Variants in OSBPL6 observed in about 807,000 individuals in gnomAD.
OSBPL6 encodes oxysterol binding protein like 6, also known as oxysterol-binding protein-related protein 6.
A neutral mutation model predicts 125.8 loss-of-function variants in OSBPL6; 49 were observed. The observed-to-expected ratio is 0.39, with a 90% confidence interval of 0.31 to 0.49. The LOEUF is 0.49. Among genes scored for constraint, OSBPL6 ranks in the 20% least tolerant of loss-of-function variants. The pLI is 0.88. For synonymous variants in OSBPL6, 394 were observed against 391.8 expected, an observed-to-expected ratio of 1.01 and a Z score of -0.07; for missense variants, 986 against 1,135.4, an observed-to-expected ratio of 0.87 and a Z score of 1.89.
At chr2:178,296,929 C>G (rs1395987644) in intron 2 of OSBPL6, among the ~76,000 whole-genome samples, 1 of 152,152 alleles carries the variant, frequency 6.6e-6, no homozygotes, top group Non-Finnish European at 1.5e-5. Context: ...TGCATAAACA[C>G]TGCTATTCTG....
intron 1 of OSBPL6, among the ~76,000 whole-genome samples, chr2:178,279,651 T>TGTGCACGCGTGTGCATGCACACACACGC: frequency 6.6e-6 from 1 of 152,248 alleles, no homozygotes; most frequent in African/African-American, 2.4e-5. Context: ...AACGCATGTG[T>TGTGCACGCGTGTGCATGCACACACACGC]GTGCACGCGT....
At chr2:178,370,640 C>A (rs2154104605) in intron 13 of OSBPL6, among the ~76,000 whole-genome samples, 1 of 152,290 alleles carries the variant, frequency 6.6e-6, no homozygotes, top group Middle Eastern at 3.4e-3. Flanking sequence ...AGAATGTTAT[C>A]ACCTTTTTTC....
chr2:178,271,716 A>G (rs1006118410), intron 1 of OSBPL6, among the ~76,000 whole-genome samples: 3 of 152,228 alleles, frequency 2.0e-5, no homozygotes, highest in African/African-American at 7.2e-5. Context: ...ACTTTAAAGA[A>G]TATACATAAT....
At chr2:178,382,914 A>G (rs1179817001) in intron 16 of OSBPL6, 110 bp from the exon 17 acceptor site, 2 of 1,484,770 alleles carry the variant, frequency 1.3e-6, no homozygotes, top group Non-Finnish European at 1.8e-6. Context: ...AGATATAATG[A>G]AGACTCATGA....
chr2:178,249,779 T>C (rs2091624569), intron 1 of OSBPL6, among the ~76,000 whole-genome samples: 1 of 152,046 alleles, frequency 6.6e-6, no homozygotes, highest in Non-Finnish European at 1.5e-5. Flanking sequence ...TTCGAGCCAA[T>C]TTATAAGTAA....
At chr2:178,386,330 C>T (rs890054273) in intron 19 of OSBPL6, among the ~76,000 whole-genome samples, 3 of 152,154 alleles carry the variant, frequency 2.0e-5, no homozygotes, top group African/African-American at 7.2e-5. Flanking sequence ...CACAAATGCA[C>T]AAATAAATCT....
At chr2:178,352,453 T>C (rs1691350890) in intron 12 of OSBPL6, among the ~76,000 whole-genome samples, 1 of 152,170 alleles carries the variant, frequency 6.6e-6, no homozygotes, top group Admixed American at 6.5e-5. Context: ...CCTGGCTTGG[T>C]GGGTCCTATG....
At chr2:178,391,020 G>A (rs1695359468) in intron 21 of OSBPL6, 53 bp from the exon 22 acceptor site, 1 of 1,594,372 alleles carries the variant, frequency 6.3e-7, no homozygotes, top group South Asian at 1.1e-5. Context: ...AAAATACAGG[G>A]AATGATGTTA....
intron 1 of OSBPL6, among the ~76,000 whole-genome samples, chr2:178,209,190 A>G (rs190944269): frequency 6.6e-6 from 1 of 151,614 alleles, no homozygotes; most frequent in Non-Finnish European, 1.5e-5. Flanking sequence ...TCTTCCCCTC[A>G]CTTTTCCCTG....
At position 178,356,116 on chromosome 2, in the gene OSBPL6, T is replaced by C. The variant is rs1237019182; in HGVS notation, c.1154-5566T>C. Among the ~76,000 whole-genome samples the C allele has an allele frequency of 1.1e-4, 16 of 151,844 alleles. 1 individual carries two copies. In the South Asian group the frequency reaches 1.5e-3, roughly 14 times the overall value. On this transcript the variant is annotated intron_variant, in intron 12 of 24. Coordinates refer to ENST00000190611, the MANE Select transcript of OSBPL6 (RefSeq NM_032523.4). ...AATAATAAGATCTATTTATGACAAA[T>C]TCACAGCCAATATCATACTGAATGG... is the stretch of plus-strand genomic sequence containing the variant.
chr2:178,331,657 A>C, intron 6 of OSBPL6, 52 bp downstream of exon 6: 2 of 1,568,116 alleles, frequency 1.3e-6, no homozygotes, highest in Non-Finnish European at 1.8e-6. Context: ...TTCTGCTTGA[A>C]GTGAGTAAAC....
At chr2:178,392,626 A>C in intron 23 of OSBPL6, 88 bp downstream of exon 23, 2 of 1,495,368 alleles carry the variant, frequency 1.3e-6, no homozygotes, top group Non-Finnish European at 1.8e-6. Context: ...AAGGCTGAGG[A>C]GGGAAGATCA....
chr2:178,309,704 T>C (rs77496617), intron 3 of OSBPL6, among the ~76,000 whole-genome samples: 4,267 of 152,318 alleles, frequency 0.028, 188 homozygotes, highest in African/African-American at 0.097. Flanking sequence ...CTAAATCTGA[T>C]ATGAGCTGTT....
rs188500046 is a variant in OSBPL6 at position 178,324,349 on chromosome 2, C to A, written c.195+80C>A. 3.6e-5 allele frequency: 37 copies of A among 1,028,446 alleles called. No homozygotes were observed. In the South Asian group the frequency reaches 5.7e-4, roughly 16 times the overall value. 63.7% of individuals were successfully genotyped at this position (1,028,446 alleles called of 1,614,324 possible). A position where few individuals can be genotyped will look rare whatever the true frequency, so the allele number is the denominator to read the frequency against. ...AATTGAACTGTGAATAACGTTTACA[C>A]CTGACTCCCCTAAAATACTTGTGAT... On this transcript the variant is annotated intron_variant, in intron 4 of 24. Coordinates refer to ENST00000190611, the MANE Select transcript of OSBPL6 (RefSeq NM_032523.4).
At chr2:178,252,756 G>A (rs1287265652) in intron 1 of OSBPL6, among the ~76,000 whole-genome samples, 1 of 152,170 alleles carries the variant, frequency 6.6e-6, no homozygotes, top group African/African-American at 2.4e-5. Context: ...TCTTTGGTCA[G>A]CATGAGTTAG....
At chr2:178,326,735 T>C (rs1688725070) in intron 4 of OSBPL6, among the ~76,000 whole-genome samples, 1 of 152,206 alleles carries the variant, frequency 6.6e-6, no homozygotes, top group South Asian at 2.1e-4. Context: ...TTTGCCTCTG[T>C]CAGGTTGACA....
At chr2:178,389,278 T>A in intron 21 of OSBPL6, 125 bp downstream of exon 21, 1 of 969,390 alleles carries the variant, frequency 1.0e-6, no homozygotes, top group Non-Finnish European at 1.5e-6. Flanking sequence ...TACGGACATT[T>A]TAGATAAGAA....
At chr2:178,394,279 TA>T in intron 23 of OSBPL6, 33 bp from the exon 24 acceptor site, 1 of 1,600,476 alleles carries the variant, frequency 6.2e-7, no homozygotes, top group Non-Finnish European at 8.5e-7. Context: ...GAAAAGAGGA[TA>T]ATATGTTAAA....
chr2:178,298,694 G>GTTTTTTTTT (rs757606940), intron 2 of OSBPL6, among the ~76,000 whole-genome samples: 27 of 139,428 alleles, frequency 1.9e-4, no homozygotes, highest in African/African-American at 7.1e-4. Context: ...ATTTTTAGTT[G>GTTTTTTTTT]CTTTTTTTTT....
Sources: allele counts gnomAD v4.1 joint callset (sites outside exome capture counted in the v4.1 genomes callset), GRCh38; gene constraint gnomAD v4.1.1; transcripts MANE v1.5; gene names NCBI Gene and HGNC (gene_info 2026-07-23, HGNC 2026-07-21).